The following ZDHHC6 variants were observed in gnomAD, a reference collection of about 807,000 sequenced individuals.
The protein encoded by ZDHHC6 is zDHHC palmitoyltransferase 6, also known as palmitoyltransferase ZDHHC6.
In ZDHHC6, 32 loss-of-function variants were observed where a neutral mutation model predicts 57.8. That is an observed-to-expected ratio of 0.55 (90% CI 0.42 to 0.74). ZDHHC6 has a LOEUF of 0.74. Among genes scored for constraint, ZDHHC6 ranks in the 30% least tolerant of loss-of-function variants. ZDHHC6 has a pLI of 0.00. For synonymous variants in ZDHHC6, 128 were observed against 158.0 expected (o/e 0.81, Z 1.42); for missense variants, 433 against 500.7 (o/e 0.86, Z 1.29).
At chr10:112,445,749 G>A in intron 1 of ZDHHC6, 99 bp from the exon 2 acceptor site, 1 of 454,422 alleles carries the variant, frequency 2.2e-6, no homozygotes. Flanking sequence ...CTACACAACA[G>A]CATCTCACAA....
At chr10:112,440,142 G>A (rs1845970231) in intron 5 of ZDHHC6, among the ~76,000 whole-genome samples, 2 of 133,966 alleles carry the variant, frequency 1.5e-5, no homozygotes, top group East Asian at 4.8e-4. Flanking sequence ...CCAAGTACAT[G>A]AATGGGTGAC....
At chr10:112,428,577 C>A (rs1844827156), downstream of ZDHHC6, 1 of 388,882 alleles carries the variant, frequency 2.6e-6, no homozygotes, top group Non-Finnish European at 4.5e-6. Context: ...CGAGAACATC[C>A]TGGCTACTAT....
At chr10:112,431,637 G>A (rs369874233) in intron 10 of ZDHHC6, among the ~76,000 whole-genome samples, 4 of 151,878 alleles carry the variant, frequency 2.6e-5, no homozygotes, top group Non-Finnish European at 5.9e-5. Flanking sequence ...TCTATATCAC[G>A]GCCGTCATAA....
chr10:112,429,863 C>G (rs889647952), downstream of ZDHHC6, among the ~76,000 whole-genome samples: 2 of 151,928 alleles, frequency 1.3e-5, no homozygotes, highest in Non-Finnish European at 2.9e-5. Flanking sequence ...GTCAGCACCA[C>G]TCAGAGCTCA....
At chr10:112,437,142 A>AC (rs1452973389) in intron 6 of ZDHHC6, among the ~76,000 whole-genome samples, 2 of 152,040 alleles carry the variant, frequency 1.3e-5, no homozygotes, top group Admixed American at 6.6e-5. Flanking sequence ...TACTAGAATT[A>AC]CAAAAAAAAA....
chr10:112,433,892 G>C (rs999598921), intron 7 of ZDHHC6, among the ~76,000 whole-genome samples: 2 of 152,108 alleles, frequency 1.3e-5, no homozygotes, highest in African/African-American at 4.8e-5. Context: ...TGAGTCTATG[G>C]GGGTAGGTTA....
chr10:112,447,352 G>A, upstream of ZDHHC6: 1 of 1,610,424 alleles, frequency 6.2e-7, no homozygotes, highest in Admixed American at 1.7e-5. Flanking sequence ...CTTTGGCCTG[G>A]GCTACTCGTT....
chr10:112,429,974 G>GGA (rs1554867972), downstream of ZDHHC6, among the ~76,000 whole-genome samples: 1 of 151,416 alleles, frequency 6.6e-6, no homozygotes, highest in Non-Finnish European at 1.5e-5. Flanking sequence ...GTTGGGGGGG[G>GGA]GGTGTGGGGG....
upstream of ZDHHC6, chr10:112,447,370 C>T (rs1846889113): frequency 5.0e-6 from 8 of 1,612,840 alleles, no homozygotes; most frequent in East Asian, 1.1e-4. Flanking sequence ...GTTCCGGAGC[C>T]GCCATGTCGT....
chr10:112,439,888 T>A (rs899317493), intron 5 of ZDHHC6, among the ~76,000 whole-genome samples: 1 of 152,018 alleles, frequency 6.6e-6, no homozygotes, highest in Admixed American at 6.6e-5. Flanking sequence ...TTAAATAGCA[T>A]CTTTATCATA....
At chr10:112,446,992 A>C, upstream of ZDHHC6, 1 of 247,506 alleles carries the variant, frequency 4.0e-6, no homozygotes, top group African/African-American at 2.2e-5. Context: ...TCCGGAAGCA[A>C]GCTGCTGTGC....
chr10:112,447,043 AG>A (rs1178522084), upstream of ZDHHC6: 2 of 307,728 alleles, frequency 6.5e-6, no homozygotes, highest in Non-Finnish European at 6.4e-6. Flanking sequence ...CAGAACACGA[AG>A]GGGGGAAAAA....
chr10:112,434,479 G>C lies in ZDHHC6; in HGVS notation c.736-15C>G. On this transcript the variant is annotated splice_polypyrimidine_tract_variant and intron_variant, in intron 6 of 10. Transcript: ENST00000369405. Reference sequence around the variant, plus strand: ...CGATCTTTAGCCTGTGGGTAACAAAGATATAAGATGGCAGGTGCCTCTGTC... The same window carrying C: ...CGATCTTTAGCCTGTGGGTAACAAACATATAAGATGGCAGGTGCCTCTGTC... 1.9e-6 allele frequency: 3 copies of C among 1,602,722 alleles called. No individual in the cohort carries two copies. The highest frequency in any genetic ancestry group is 2.6e-6 in the Non-Finnish European group (3 of 1,174,048).
chr10:112,429,390 T>C (rs550050967), downstream of ZDHHC6, among the ~76,000 whole-genome samples: 2 of 152,324 alleles, frequency 1.3e-5, no homozygotes, highest in South Asian at 4.1e-4. Context: ...GCACATGACT[T>C]GTCCCCTCAT....
At chr10:112,429,352 G>C (rs1844859357), downstream of ZDHHC6, among the ~76,000 whole-genome samples, 1 of 152,144 alleles carries the variant, frequency 6.6e-6, no homozygotes, top group Non-Finnish European at 1.5e-5. Flanking sequence ...TGTTCTTGCT[G>C]CTGTCTCTAA....
In ZDHHC6 at chr10:112,445,232, G is replaced by C. The variant is rs1451715772; in HGVS notation, c.205C>G (p.Leu69Val). The change falls in exon 2 of 11, where the codon CTT becomes GTT. Residue 69 changes from leucine (L) to valine (V), a missense_variant. By Grantham distance (32) the Leu-to-Val change is conservative. Coordinates refer to ENST00000369405, the MANE Select transcript of ZDHHC6 (RefSeq NM_022494.3). ...AACATGGCATTGAAGTAATTATAAA[G>C]AATCATGACAGTCCAATTTATCAAC... ...IMLINWTVMILYNYFNAMFVG... is the reference protein window; with the variant it reads ...IMLINWTVMIVYNYFNAMFVG... The C allele has an allele frequency of 1.2e-6, 2 of 1,614,022 alleles. No individual in the cohort carries two copies. Among genetic ancestry groups the C allele is most frequent in the Non-Finnish European group, 1.7e-6 (2 of 1,180,026 alleles).
intron 1 of ZDHHC6, among the ~76,000 whole-genome samples, chr10:112,446,026 G>T (rs1201375848): frequency 1.3e-5 from 2 of 152,214 alleles, no homozygotes; most frequent in African/African-American, 4.8e-5. Flanking sequence ...GAGAGGCTGA[G>T]TGATTAGACC....
At chr10:112,436,478 G>C (rs1845544100) in intron 6 of ZDHHC6, among the ~76,000 whole-genome samples, 1 of 151,910 alleles carries the variant, frequency 6.6e-6, no homozygotes, top group Non-Finnish European at 1.5e-5. Flanking sequence ...TCCGTCGCCA[G>C]AAAACAAAAA....
At chr10:112,431,306 T>C (rs1458044068) in intron 10 of ZDHHC6, among the ~76,000 whole-genome samples, 1 of 152,092 alleles carries the variant, frequency 6.6e-6, no homozygotes, top group Admixed American at 6.6e-5. Context: ...TTTTCTAACA[T>C]ATATATTTCT....
Sources: allele counts gnomAD v4.1 joint callset (sites outside exome capture counted in the v4.1 genomes callset), GRCh38; gene constraint gnomAD v4.1.1; transcripts MANE v1.5; gene names NCBI Gene and HGNC (gene_info 2026-07-23, HGNC 2026-07-21).